The following NLGN2 variants were observed in gnomAD, a reference collection of about 807,000 sequenced individuals.
NLGN2 encodes the protein neuroligin-2.
NLGN2 carries 11 observed loss-of-function variants against 48.6 expected under a neutral mutation model. The observed-to-expected ratio is 0.23, with a 90% CI of 0.14 to 0.37. The LOEUF is 0.37. Ranked by LOEUF, NLGN2 falls within the 10% of genes least tolerant of loss-of-function variation. The pLI, the probability that NLGN2 is intolerant of heterozygous loss-of-function variation, is 1.00. For synonymous variants in NLGN2, 548 were observed against 550.0 expected (o/e 1.00, Z 0.05); for missense variants, 801 against 1,225.2 (o/e 0.65, Z 5.17).
chr17:7,415,858 C>G lies in NLGN2; in HGVS notation c.1385C>G (p.Ala462Gly). The G allele has an allele frequency of 6.2e-7, 1 of 1,611,760 alleles. No homozygotes were observed. The highest frequency in any genetic ancestry group is 8.5e-7 in the Non-Finnish European group (1 of 1,178,456). Residue 462 changes from alanine (A) to glycine (G), a missense_variant, in exon 6 of 7, where the codon GCA (alanine) becomes GGA (glycine). Physicochemically the swap from Ala to Gly is moderately conservative, Grantham distance 60. Coordinates refer to ENST00000302926, the MANE Select transcript of NLGN2 (RefSeq NM_020795.4). ...LALFTDHQWV[A>G]PAVATAKLHA... ...CTCTTTACTGACCACCAATGGGTGG[C>G]ACCAGCTGTGGCCACTGCCAAGCTG...
chr17:7,408,517 G>T lies in NLGN2; in HGVS notation c.262G>T (p.Glu88Ter). Residue 88 changes from glutamate (E) to a stop codon, truncating the protein, a stop_gained, in exon 1 of 7, where the codon GAG becomes TAG. Coordinates refer to ENST00000302926, the MANE Select transcript of NLGN2 (RefSeq NM_020795.4). LOFTEE classifies it high-confidence loss of function. The surrounding 1 kb of genome is among the most constrained non-coding windows in gnomAD (Gnocchi z 7.5). Reference sequence around the variant, plus strand: ...GGGCGCCCGCCGCTTCCAGCCGCCTGAGGCGCCCGCCTCGTGGCCCGGCGT... The same window carrying T: ...GGGCGCCCGCCGCTTCCAGCCGCCTTAGGCGCCCGCCTCGTGGCCCGGCGT... ...PLGARRFQPP[E>*]APASWPGVRN... 6.5e-7 allele frequency: 1 copy of T among 1,530,650 alleles called. No homozygotes were observed. Among genetic ancestry groups the T allele is most frequent in the Non-Finnish European group, 8.7e-7 (1 of 1,143,754 alleles). The allele number at this position is 1,530,650 out of a possible 1,614,324, so 94.8% of individuals were successfully genotyped here. A position where few individuals can be genotyped will look rare whatever the true frequency, so the allele number is the denominator to read the frequency against.
At chr17:7,409,421 C>A (rs560511240) in intron 1 of NLGN2, among the ~76,000 whole-genome samples, 1 of 152,222 alleles carries the variant, frequency 6.6e-6, no homozygotes, top group East Asian at 1.9e-4. Context: ...CTCATAGCCC[C>A]TGGCACATTC....
chr17:7,406,882 G>A (rs1037627233), upstream of NLGN2, among the ~76,000 whole-genome samples: 2 of 152,108 alleles, frequency 1.3e-5, no homozygotes, highest in Non-Finnish European at 2.9e-5. Context: ...AGGTGGTGGG[G>A]TCCAAGGTTG....
In NLGN2 at chr17:7,411,709, G is replaced by A. The variant is rs1906901083; in HGVS notation, c.458-448G>A. 6.6e-6 allele frequency among the ~76,000 whole-genome samples: 1 copy of A among 152,236 alleles called. No individual in the cohort carries two copies. Among genetic ancestry groups the A allele is most frequent in the African/African-American group, 2.4e-5 (1 of 41,452 alleles). ...TCGCTGGCCCTGAAGGGGGCCTTCT[G>A]AGAGGTGGCCTGGGTGGCAAGCTGG... is the stretch of plus-strand genomic sequence containing the variant. On this transcript the variant is annotated intron_variant, in intron 1 of 6. Coordinates refer to ENST00000302926, the MANE Select transcript of NLGN2 (RefSeq NM_020795.4). The surrounding 1 kb of genome is among the most constrained non-coding windows in gnomAD (Gnocchi z 4.5).
chr17:7,417,838 GC>G lies in NLGN2; in HGVS notation c.*42del. On this transcript the variant is annotated 3_prime_UTR_variant, in exon 7 of 7. Coordinates refer to ENST00000302926, the MANE Select transcript of NLGN2 (RefSeq NM_020795.4). ...AGGCCCTCCTCCCCGGCCCTCCCTG[GC>G]CCGGCCACTCCGAAGGCAGGGAGGA... 1 of 1,350,284 alleles carries G rather than the reference GC, an allele frequency of 7.4e-7. No individual in the cohort carries two copies. The highest frequency in any genetic ancestry group is 9.4e-7 in the Non-Finnish European group (1 of 1,058,936). The allele number at this position is 1,350,284 out of a possible 1,614,324, so 83.6% of individuals were successfully genotyped here.
chr17:7,414,522 C>T (rs374751949), intron 3 of NLGN2, 29 bp downstream of exon 3: 36 of 1,611,804 alleles, frequency 2.2e-5, no homozygotes, highest in African/African-American at 1.6e-4. Context: ...CTCTGGGGCT[C>T]GGGGGAGTCT....
At position 7,414,328 on chromosome 17, in the gene NLGN2, A is replaced by AT; in HGVS notation, c.509-16_509-15insT. 3.8e-6 allele frequency: 6 copies of AT among 1,595,720 alleles called. No homozygotes were observed. The highest frequency in any genetic ancestry group is 5.2e-6 in the Non-Finnish European group (6 of 1,164,772). On this transcript the variant is annotated splice_polypyrimidine_tract_variant and intron_variant, in intron 2 of 6. Transcript: ENST00000302926. ...CCCTGACCCCCTGGCCCACCTGCCC[A>AT]CCCCTCCCCACACAGATATCCGTGA...
chr17:7,408,229 G>A lies in NLGN2; in HGVS notation c.-27G>A. On this transcript the variant is annotated 5_prime_UTR_variant, in exon 1 of 7. Coordinates refer to ENST00000302926, the MANE Select transcript of NLGN2 (RefSeq NM_020795.4). The surrounding 1 kb of genome is among the most constrained non-coding windows in gnomAD (Gnocchi z 7.5). ...TCTCTCCGAGGGGGGGGGGTCCCAG[G>A]GAGGGAGGGGGGGTCCCCCGATCAG... 8.3e-7 allele frequency: 1 copy of A among 1,207,862 alleles called. No individual in the cohort carries two copies. The highest frequency in any genetic ancestry group is 1.1e-6 in the Non-Finnish European group (1 of 945,210). The allele number at this position is 1,207,862 out of a possible 1,614,324, so 74.8% of individuals were successfully genotyped here. A position where few individuals can be genotyped will look rare whatever the true frequency, so the allele number is the denominator to read the frequency against.
rs866610484 is a variant in NLGN2, at chr17:7,411,570, G to T, written c.458-587G>T. On this transcript the variant is annotated intron_variant, in intron 1 of 6. Transcript: ENST00000302926. This position sits in a 1 kb window ranked among gnomAD's most constrained non-coding sequence, Gnocchi z 4.5. The stretch of plus-strand genomic sequence containing the variant: ...CTGGGGCTGAGCTGTGGGGCAGGCT[G>T]CCCCCCAACCCTGTCCTGCTCGCTG... Among the ~76,000 whole-genome samples, 37 of 152,282 alleles carry T rather than the reference G, an allele frequency of 2.4e-4. No individual in the cohort carries two copies. The highest frequency in any genetic ancestry group is 8.4e-4 in the African/African-American group (35 of 41,562).
At chr17:7,410,836 G>A (rs1017896504) in intron 1 of NLGN2, among the ~76,000 whole-genome samples, 29 of 151,396 alleles carry the variant, frequency 1.9e-4, no homozygotes, top group African/African-American at 4.2e-4. Flanking sequence ...ACACACACAC[G>A]CGCTTCATAG....
rs969055832 is a variant in NLGN2, at chr17:7,408,188, C to T, written c.-68C>T. ...TGGGGCGAGGGGGGCCTCCCTCCCTCTCCCCCCCTTCTCTCTCTCTCCGAG... is the reference window on the plus strand; with the variant it reads ...TGGGGCGAGGGGGGCCTCCCTCCCTTTCCCCCCCTTCTCTCTCTCTCCGAG... On this transcript the variant is annotated 5_prime_UTR_variant, in exon 1 of 7. Coordinates refer to ENST00000302926, the MANE Select transcript of NLGN2 (RefSeq NM_020795.4). This position sits in a 1 kb window ranked among gnomAD's most constrained non-coding sequence, Gnocchi z 7.5. The T allele has an allele frequency of 2.2e-4, 197 of 884,710 alleles. No homozygotes were observed. Among genetic ancestry groups the T allele is most frequent in the South Asian group, 3.3e-4 (12 of 36,446 alleles). The allele number at this position is 884,710 out of a possible 1,614,324, so 54.8% of individuals were successfully genotyped here.
intron 4 of NLGN2, 23 bp downstream of exon 4, chr17:7,414,871 T>C (rs1255275803): frequency 1.2e-5 from 19 of 1,614,040 alleles, no homozygotes; most frequent in Non-Finnish European, 1.6e-5. Context: ...TCCCAGCCTG[T>C]TCCACCCTTC....
chr17:7,414,800 G>C lies in NLGN2; in HGVS notation c.796G>C (p.Ala266Pro). 6.2e-7 allele frequency: 1 copy of C among 1,614,188 alleles called. No individual in the cohort carries two copies. The highest frequency in any genetic ancestry group is 8.5e-7 in the Non-Finnish European group (1 of 1,180,026). ...GCGTATCACCATCTTTGGTTCCGGG[G>C]CAGGGGCCTCCTGCGTCAACCTTCT... is the stretch of plus-strand genomic sequence containing the variant. Reference protein sequence around the residue: ...PERITIFGSGAGASCVNLLIL... With the variant: ...PERITIFGSGPGASCVNLLIL... The change falls in exon 4 of 7, where the codon GCA (alanine) becomes CCA (proline). Residue 266 changes from alanine to proline, a missense_variant. By Grantham distance (27) the Ala-to-Pro change is conservative. Coordinates refer to ENST00000302926, the MANE Select transcript of NLGN2 (RefSeq NM_020795.4).
chr17:7,412,632 T>C (rs1906944345), intron 2 of NLGN2, among the ~76,000 whole-genome samples: 1 of 152,140 alleles, frequency 6.6e-6, no homozygotes, highest in Non-Finnish European at 1.5e-5. Flanking sequence ...AGTTGGCAAA[T>C]TGATGACACC....
chr17:7,418,134 T>G lies in NLGN2; in HGVS notation c.*335T>G, dbSNP rs1907222997. ...TTTCCCATGTGCAGGGTGAGGTTTT[T>G]TTTTGCCACCCTGGACACATGTTGG... On this transcript the variant is annotated 3_prime_UTR_variant, in exon 7 of 7. Coordinates refer to ENST00000302926, the MANE Select transcript of NLGN2 (RefSeq NM_020795.4). 1 of 176,288 alleles carries G rather than the reference T, an allele frequency of 5.7e-6. No individual in the cohort carries two copies. Among genetic ancestry groups the G allele is most frequent in the South Asian group, 2.0e-4 (1 of 5,080 alleles). The allele number at this position is 176,288 out of a possible 1,614,324, so 10.9% of individuals were successfully genotyped here.
chr17:7,414,857 A>G lies in NLGN2; in HGVS notation c.844+9A>G, dbSNP rs777530623. 17 of 1,614,140 alleles carry G rather than the reference A, an allele frequency of 1.1e-5. No individual in the cohort carries two copies. Among genetic ancestry groups the G allele is most frequent in the Non-Finnish European group, 1.4e-5 (16 of 1,179,998 alleles). On this transcript the variant is annotated intron_variant, in intron 4 of 6. Coordinates refer to ENST00000302926, the MANE Select transcript of NLGN2 (RefSeq NM_020795.4). ...CTCCCACCATTCAGAAGGTACCAGCAGTGTCCCAGCCTGTTCCACCCTTCC... is the reference window on the plus strand; with the variant it reads ...CTCCCACCATTCAGAAGGTACCAGCGGTGTCCCAGCCTGTTCCACCCTTCC...
chr17:7,408,380 C>G lies in NLGN2; in HGVS notation c.125C>G (p.Pro42Arg). ...GLGSLGEERF[P>R]VVNTAYGRVR... ...GGCAGCCTCGGCGAGGAGCGCTTCC[C>G]GGTGGTGAACACGGCCTACGGGCGA... Residue 42 changes from proline (P) to arginine (R), a missense_variant, in exon 1 of 7, where the codon CCG becomes CGG. This residue lies in a region of NLGN2 where 164 missense variants were observed against 186.2 expected (regional missense o/e 0.88). Coordinates refer to ENST00000302926, the MANE Select transcript of NLGN2 (RefSeq NM_020795.4). The surrounding 1 kb of genome is among the most constrained non-coding windows in gnomAD (Gnocchi z 7.5). 1.3e-6 allele frequency: 2 copies of G among 1,527,306 alleles called. No individual in the cohort carries two copies. Among genetic ancestry groups the G allele is most frequent in the Non-Finnish European group, 1.8e-6 (2 of 1,142,512 alleles). 94.6% of individuals were successfully genotyped at this position (1,527,306 alleles called of 1,614,324 possible). A position where few individuals can be genotyped will look rare whatever the true frequency, so the allele number is the denominator to read the frequency against.
At chr17:7,405,953 TG>T (rs1485014581), upstream of NLGN2, among the ~76,000 whole-genome samples, 1 of 151,400 alleles carries the variant, frequency 6.6e-6, no homozygotes, top group Non-Finnish European at 1.5e-5. This position sits in a 1 kb window ranked among gnomAD's most constrained non-coding sequence, Gnocchi z 6.8. Flanking sequence ...GAGTCAGGCC[TG>T]GGCAGGAATG....
chr17:7,412,284 C>T lies in NLGN2; in HGVS notation c.508+77C>T. 3 of 1,091,628 alleles carry T rather than the reference C, an allele frequency of 2.7e-6. No homozygotes were observed. In the South Asian group the frequency reaches 3.7e-5, roughly 14 times the overall value. 67.6% of individuals were successfully genotyped at this position (1,091,628 alleles called of 1,614,324 possible). On this transcript the variant is annotated intron_variant, in intron 2 of 6. Transcript: ENST00000302926. ...ATGGCCCTGCCCCTCACTAAATGTC[C>T]CCACAGCCCTCAAGGCCCCTCAGTC...
Sources: gnomAD v4.1 joint callset for allele counts (sites outside exome capture counted in the v4.1 genomes callset) on GRCh38, gnomAD v4.1.1 for gene constraint, gnomAD v4.1.1 regional missense constraint, Gnocchi (gnomAD v3.1) non-coding constraint, MANE v1.5 for transcripts, NCBI Gene and HGNC (gene_info 2026-07-23, HGNC 2026-07-21) for gene names.